The following BLM variants were observed in gnomAD, a reference collection of about 807,000 sequenced individuals.
BLM encodes BLM RecQ like helicase, also known as recQ-like DNA helicase BLM.
In BLM, 95 loss-of-function variants were observed where a neutral mutation model predicts 135.3. The ratio of observed to expected loss-of-function variants is 0.70; its 90% CI spans 0.59 to 0.83. The LOEUF (loss-of-function observed/expected upper bound fraction) is 0.83. BLM is among the 40% of genes least tolerant of loss of function. BLM has a pLI of 0.00. For missense variants in BLM, 1,518 were observed against 1,663.9 expected, an observed-to-expected ratio of 0.91 and a Z score of 1.53; for synonymous variants, 520 against 589.2, an observed-to-expected ratio of 0.88 and a Z score of 1.70.
In BLM at chr15:90,766,935, A is replaced by G. The variant is rs1896146477; in HGVS notation, c.2219A>G (p.Asp740Gly). Reference sequence around the variant, plus strand: ...ATTCCAGCTACATATCTGACAGGTGATAAGACTGACTCAGAAGCTACAAAT... The same window carrying G: ...ATTCCAGCTACATATCTGACAGGTGGTAAGACTGACTCAGAAGCTACAAAT... ...LDIPATYLTGDKTDSEATNIY... is the reference protein window; with the variant it reads ...LDIPATYLTGGKTDSEATNIY... Residue 740 changes from aspartate to glycine, a missense_variant, in exon 10 of 22, where the codon GAT (aspartate) becomes GGT (glycine). By Grantham distance (94) the Asp-to-Gly change is moderately conservative (BLOSUM62 -1). Around this residue, in one of 5 missense-constraint regions of BLM, gnomAD observed 626 missense variants for 681.1 expected, o/e 0.92. Transcript: ENST00000355112. 1 of 1,603,254 alleles carries G rather than the reference A, an allele frequency of 6.2e-7. No individual in the cohort carries two copies. The highest frequency in any genetic ancestry group is 1.1e-5 in the South Asian group (1 of 90,378).
At position 90,785,002 on chromosome 15, in the gene BLM, C is replaced by T. The variant is rs775026151; in HGVS notation, c.2744C>T (p.Ala915Val). ...ACGTTACAGAGAGATGGGCTCGCTG[C>T]TCTTGCTTACCATGCTGGCCTCAGT... ...ADTLQRDGLA[A>V]LAYHAGLSDS... Residue 915 changes from alanine to valine, a missense_variant, in exon 14 of 22, where the codon GCT becomes GTT. Physicochemically the swap from Ala to Val is moderately conservative, Grantham distance 64. Coordinates refer to ENST00000355112, the MANE Select transcript of BLM (RefSeq NM_000057.4). 1.7e-5 allele frequency: 28 copies of T among 1,614,050 alleles called. No homozygotes were observed. In the East Asian group the frequency reaches 5.6e-4, roughly 32 times the overall value.
At chr15:90,764,368 G>C (rs1234096486) in intron 8 of BLM, among the ~76,000 whole-genome samples, 1 of 150,386 alleles carries the variant, frequency 6.6e-6, no homozygotes, top group Non-Finnish European at 1.5e-5. Context: ...TATTATTTTT[G>C]AGACAGGGTC....
At position 90,798,236 on chromosome 15, in the gene BLM, G is replaced by T; in HGVS notation, c.3257G>T (p.Arg1086Ile). The change falls in exon 17 of 22, where the codon AGA (arginine) becomes ATA (isoleucine). Residue 1086 changes from arginine to isoleucine, a missense_variant. By Grantham distance (97) the Arg-to-Ile change is moderately conservative (BLOSUM62 -3). Around this residue, in one of 5 missense-constraint regions of BLM, gnomAD observed 626 missense variants for 681.1 expected, o/e 0.92. Coordinates refer to ENST00000355112, the MANE Select transcript of BLM (RefSeq NM_000057.4). The stretch of plus-strand genomic sequence containing the variant: ...ACTGACGATGTGAAAAGTATTGTAA[G>T]ATTTGTTCAAGAACATAGTTCATCA... Reference protein sequence around the residue: ...DVTDDVKSIVRFVQEHSSSQG... With the variant: ...DVTDDVKSIVIFVQEHSSSQG... The T allele has an allele frequency of 6.2e-7, 1 of 1,610,804 alleles. No homozygotes were observed. The highest frequency in any genetic ancestry group is 1.1e-5 in the South Asian group (1 of 90,908).
intron 12 of BLM, among the ~76,000 whole-genome samples, chr15:90,775,657 A>G (rs2151172258): frequency 1.3e-5 from 2 of 151,700 alleles, no homozygotes; most frequent in Non-Finnish European, 2.9e-5. Flanking sequence ...GACTACAGGC[A>G]CTTGCCGCCA....
chr15:90,785,477 A>T (rs1304224426), intron 14 of BLM, among the ~76,000 whole-genome samples: 1 of 152,030 alleles, frequency 6.6e-6, no homozygotes, highest in Non-Finnish European at 1.5e-5. Context: ...ACCTGTTTCT[A>T]GAGTTTATTA....
At chr15:90,726,054 T>C (rs1474789582) in intron 1 of BLM, among the ~76,000 whole-genome samples, 1 of 152,180 alleles carries the variant, frequency 6.6e-6, no homozygotes, top group East Asian at 1.9e-4. Flanking sequence ...GGGTACATAG[T>C]GATATTTTGA....
chr15:90,783,870 G>A (rs533705512), intron 13 of BLM, among the ~76,000 whole-genome samples: 5 of 152,098 alleles, frequency 3.3e-5, no homozygotes, highest in Non-Finnish European at 5.9e-5. Context: ...CGGCCTGGGC[G>A]ACAGAGCAAG....
chr15:90,722,917 T>A (rs1474867138), intron 1 of BLM, among the ~76,000 whole-genome samples: 2 of 152,188 alleles, frequency 1.3e-5, no homozygotes, highest in South Asian at 4.1e-4. Flanking sequence ...CTCGGCTCAC[T>A]GCAACCTCTG....
intron 12 of BLM, among the ~76,000 whole-genome samples, chr15:90,775,518 G>A (rs1046914607): frequency 1.4e-5 from 2 of 147,382 alleles, no homozygotes; most frequent in Non-Finnish European, 3.0e-5. Flanking sequence ...ATATGTGTGT[G>A]TGTGTGTGTG....
At chr15:90,769,387 T>C (rs777453574) in intron 11 of BLM, 51 bp from the exon 12 acceptor site, 2 of 1,609,506 alleles carry the variant, frequency 1.2e-6, no homozygotes, top group Non-Finnish European at 1.7e-6. Context: ...TGGCTTTTTA[T>C]AGAAGGAAGC....
intron 15 of BLM, among the ~76,000 whole-genome samples, chr15:90,791,173 C>T (rs1896897346): frequency 1.3e-5 from 2 of 152,112 alleles, no homozygotes; most frequent in African/African-American, 4.8e-5. Flanking sequence ...GCATGTAACA[C>T]ATATTTCAAA....
At chr15:90,782,116 G>A (rs956895008) in intron 12 of BLM, among the ~76,000 whole-genome samples, 8 of 152,190 alleles carry the variant, frequency 5.3e-5, no homozygotes, top group African/African-American at 1.2e-4. Context: ...GGCTGGGCCC[G>A]GTGGCTCATG....
intron 7 of BLM, chr15:90,762,464 T>A (rs543976026): frequency 3.2e-5 from 5 of 157,132 alleles, no homozygotes; most frequent in African/African-American, 1.2e-4. Context: ...CAACGGGAGC[T>A]GTGTGCAGGA....
At position 90,773,064 on chromosome 15, in the gene BLM, C is replaced by T. The variant is rs1029488108; in HGVS notation, c.2555+3478C>T. 4.9e-5 allele frequency among the ~76,000 whole-genome samples: 7 copies of T among 142,972 alleles called. 1 individual carries two copies. In the South Asian group the frequency reaches 1.6e-3, roughly 32 times the overall value. The allele number at this position is 142,972 out of a possible 152,430, so 93.8% of individuals were successfully genotyped here. A position where few individuals can be genotyped will look rare whatever the true frequency, so the allele number is the denominator to read the frequency against. ...GGGAGCCGAGATTGCACCACTGCAC[C>T]CCAGCCTGGGCAACAAGAGCGAGAC... On this transcript the variant is annotated intron_variant, in intron 12 of 21. Transcript: ENST00000355112.
rs183558572 is a variant in BLM at position 90,770,491 on chromosome 15, A to G, written c.2555+905A>G. On this transcript the variant is annotated intron_variant, in intron 12 of 21. Transcript: ENST00000355112. ...GTGCCCGGCCAATCCCCACATATTTATCTAGGCTGTACTGGATTATTTTAT... is the reference window on the plus strand; with the variant it reads ...GTGCCCGGCCAATCCCCACATATTTGTCTAGGCTGTACTGGATTATTTTAT... Among the ~76,000 whole-genome samples the G allele has an allele frequency of 9.9e-4, 151 of 152,314 alleles. 1 individual carries two copies. The Middle Eastern group carries it at 0.027, about 27-fold the overall frequency.
rs1895972605 is a variant in BLM at position 90,761,086 on chromosome 15, G to A, written c.1713G>A (p.Met571Ile). Residue 571 changes from methionine (M) to isoleucine (I), a missense_variant, in exon 7 of 22, where the codon ATG becomes ATA. Met to Ile is a conservative substitution (Grantham distance 10, BLOSUM62 1). Coordinates refer to ENST00000355112, the MANE Select transcript of BLM (RefSeq NM_000057.4). ...FDDDDDWEDIMHNLAASKSST... is the reference protein window; with the variant it reads ...FDDDDDWEDIIHNLAASKSST... ...ATGATGATGACTGGGAAGACATAAT[G>A]CATAATTTAGCAGCCAGCAAATCTT... The A allele has an allele frequency of 1.9e-6, 3 of 1,557,184 alleles. No homozygotes were observed. Among genetic ancestry groups the A allele is most frequent in the African/African-American group, 1.4e-5 (1 of 72,484 alleles).
chr15:90,721,113 C>T (rs934985827), intron 1 of BLM, among the ~76,000 whole-genome samples: 1 of 152,110 alleles, frequency 6.6e-6, no homozygotes, highest in Non-Finnish European at 1.5e-5. Context: ...TAAATTTTCG[C>T]AATATTCCTC....
intron 21 of BLM, among the ~76,000 whole-genome samples, chr15:90,811,797 C>A (rs988082813): frequency 8.0e-5 from 12 of 149,500 alleles, no homozygotes; most frequent in South Asian, 2.1e-4. Context: ...AGCTGGGACT[C>A]CAGGTGTATA....
intron 9 of BLM, among the ~76,000 whole-genome samples, chr15:90,766,552 T>G (rs1232572482): frequency 6.6e-6 from 1 of 152,072 alleles, no homozygotes; most frequent in Admixed American, 6.6e-5. Flanking sequence ...CTTAGCCTCC[T>G]GAGTAGCTGG....
Sources: gnomAD v4.1 joint callset for allele counts (sites outside exome capture counted in the v4.1 genomes callset) on GRCh38, gnomAD v4.1.1 for gene constraint, gnomAD v4.1.1 regional missense constraint, MANE v1.5 for transcripts, NCBI Gene and HGNC (gene_info 2026-07-23, HGNC 2026-07-21) for gene names.